PPFIA1: variants seen among roughly 807,000 people sequenced by gnomAD.
The protein encoded by PPFIA1 is liprin-alpha-1.
A neutral mutation model predicts 149.9 loss-of-function variants in PPFIA1; 25 were observed. That is an observed-to-expected ratio of 0.17 (90% confidence interval 0.12 to 0.23). The LOEUF is 0.23. Ranked by LOEUF, PPFIA1 falls within the 10% of genes least tolerant of loss-of-function variation. PPFIA1 has a pLI of 1.00. For synonymous variants in PPFIA1, 549 were observed against 552.8 expected, an observed-to-expected ratio of 0.99 and a Z score of 0.10; for missense variants, 1,362 against 1,506.5, an observed-to-expected ratio of 0.90 and a Z score of 1.59.
At chr11:70,307,803 G>T (rs1225650499) in intron 2 of PPFIA1, among the ~76,000 whole-genome samples, 1 of 152,120 alleles carries the variant, frequency 6.6e-6, no homozygotes, top group African/African-American at 2.4e-5. Context: ...GTGTGCACCT[G>T]TGGTCCCAGC....
At chr11:70,376,653 A>C in intron 25 of PPFIA1, 53 bp downstream of exon 25, 2 of 1,390,778 alleles carry the variant, frequency 1.4e-6, no homozygotes, top group Non-Finnish European at 2.0e-6. Context: ...GTAAATGTTT[A>C]AATGTGTGTG....
intron 2 of PPFIA1, among the ~76,000 whole-genome samples, chr11:70,304,642 G>A (rs2052722416): frequency 6.6e-6 from 1 of 152,194 alleles, no homozygotes. Flanking sequence ...CACCTGCAAA[G>A]GACTGGGGGA....
rs1055714908 is a variant in PPFIA1, at chr11:70,384,287, A to G, written c.*1297A>G. ...CTGTTTTTCTATTAATCTTTTGTCA[A>G]CTTCCTGATTATGTAACAAAGTATG... On this transcript the variant is annotated 3_prime_UTR_variant, in exon 28 of 28. Coordinates refer to ENST00000253925, the MANE Select transcript of PPFIA1 (RefSeq NM_003626.5). 6.6e-6 allele frequency: 1 copy of G among 152,576 alleles called. No homozygotes were observed. Among genetic ancestry groups the G allele is most frequent in the Non-Finnish European group, 1.5e-5 (1 of 68,030 alleles). 9.5% of individuals were successfully genotyped at this position (152,576 alleles called of 1,614,324 possible).
chr11:70,355,888 C>T, intron 18 of PPFIA1, 77 bp downstream of exon 18: 19 of 1,519,730 alleles, frequency 1.3e-5, no homozygotes, highest in Non-Finnish European at 1.6e-5. Flanking sequence ...CATCAGTTCC[C>T]ACGCGGTGCT....
intron 2 of PPFIA1, among the ~76,000 whole-genome samples, chr11:70,303,331 C>A (rs1264967978): frequency 6.6e-6 from 1 of 152,166 alleles, no homozygotes; most frequent in Non-Finnish European, 1.5e-5. Context: ...CTTACTCACA[C>A]ACATCTGGGA....
At chr11:70,346,860 G>T (rs1230935949) in intron 15 of PPFIA1, among the ~76,000 whole-genome samples, 1 of 152,034 alleles carries the variant, frequency 6.6e-6, no homozygotes, top group Non-Finnish European at 1.5e-5. Context: ...TTATTGCAAG[G>T]TTTCTATATT....
intron 21 of PPFIA1, among the ~76,000 whole-genome samples, chr11:70,370,369 G>A (rs758117576): frequency 7.9e-5 from 12 of 151,234 alleles, no homozygotes; most frequent in Non-Finnish European, 1.5e-4. Flanking sequence ...GATTTCATTC[G>A]TTCTTCTAGT....
chr11:70,370,529 G>A (rs992698402), intron 21 of PPFIA1, among the ~76,000 whole-genome samples: 1 of 151,954 alleles, frequency 6.6e-6, no homozygotes, highest in Non-Finnish European at 1.5e-5. Context: ...TGGAACTGCA[G>A]GCATGTACCA....
chr11:70,330,369 G>A lies in PPFIA1; in HGVS notation c.1077+50G>A, dbSNP rs747101817. On this transcript the variant is annotated intron_variant, in intron 8 of 27. Coordinates refer to ENST00000253925, the MANE Select transcript of PPFIA1 (RefSeq NM_003626.5). The stretch of plus-strand genomic sequence containing the variant: ...CTGGCTTTAGTTAATTATTAATGAA[G>A]TTAAAGACCCTTTTTCTCTCACTTT... The A allele has an allele frequency of 6.2e-6, 9 of 1,454,214 alleles. No homozygotes were observed. The Admixed American group carries it at 7.5e-5, about 12-fold the overall frequency. The allele number at this position is 1,454,214 out of a possible 1,614,324, so 90.1% of individuals were successfully genotyped here. A position where few individuals can be genotyped will look rare whatever the true frequency, so the allele number is the denominator to read the frequency against.
At chr11:70,280,088 A>G (rs183436155) in intron 2 of PPFIA1, among the ~76,000 whole-genome samples, 1 of 151,822 alleles carries the variant, frequency 6.6e-6, no homozygotes, top group Admixed American at 6.6e-5. Flanking sequence ...CTGTATTTTC[A>G]GTGGAGGTGG....
At chr11:70,324,115 T>A (rs927465684) in intron 2 of PPFIA1, among the ~76,000 whole-genome samples, 47 of 152,232 alleles carry the variant, frequency 3.1e-4, no homozygotes, top group Admixed American at 1.3e-3. Context: ...GGAAAATGTT[T>A]TGGACTTCTC....
intron 7 of PPFIA1, chr11:70,327,157 T>A (rs2054348699): frequency 4.2e-6 from 1 of 240,460 alleles, no homozygotes; most frequent in Non-Finnish European, 8.2e-6. Context: ...TCTGTGCAAT[T>A]TCTAGGCTGT....
rs2056235614 is a variant in PPFIA1 at position 70,354,289 on chromosome 11, C to G, written c.2164-12C>G. 6.2e-7 allele frequency: 1 copy of G among 1,607,520 alleles called. No individual in the cohort carries two copies. Among genetic ancestry groups the G allele is most frequent in the Admixed American group, 1.7e-5 (1 of 58,858 alleles). ...TGCTGTTAACTAACTTTGCACTTCT[C>G]TCACCCCTCAGTTGCCACCTTCCAG... On this transcript the variant is annotated splice_polypyrimidine_tract_variant and intron_variant, in intron 16 of 27. Transcript: ENST00000253925.
At chr11:70,338,247 A>G (rs1300865946) in intron 12 of PPFIA1, 127 bp from the exon 13 acceptor site, 2 of 721,554 alleles carry the variant, frequency 2.8e-6, no homozygotes, top group Non-Finnish European at 4.7e-6. Flanking sequence ...CAGAATTAAA[A>G]TGTTTGGTAT....
At chr11:70,278,193 G>A (rs1359097912) in intron 2 of PPFIA1, among the ~76,000 whole-genome samples, 2 of 151,250 alleles carry the variant, frequency 1.3e-5, no homozygotes, top group African/African-American at 4.9e-5. Context: ...ACAGGCGTGA[G>A]CCACCATGCC....
chr11:70,303,024 AC>A (rs2052591182), intron 2 of PPFIA1, among the ~76,000 whole-genome samples: 1 of 152,146 alleles, frequency 6.6e-6, no homozygotes, highest in Admixed American at 6.6e-5. Flanking sequence ...CATCTCTAAG[AC>A]CATGTCACAG....
At chr11:70,337,201 C>T (rs371360304) in intron 11 of PPFIA1, among the ~76,000 whole-genome samples, 164 bp from the exon 12 acceptor site, 9 of 151,964 alleles carry the variant, frequency 5.9e-5, no homozygotes, top group African/African-American at 2.2e-4. Context: ...GAGAAGGTGT[C>T]GCCGCCTCAC....
chr11:70,311,420 G>T (rs760751595), intron 2 of PPFIA1, among the ~76,000 whole-genome samples: 1 of 152,204 alleles, frequency 6.6e-6, no homozygotes, highest in Non-Finnish European at 1.5e-5. Context: ...TCATGCGTCG[G>T]AATGCACACA....
In PPFIA1 at chr11:70,362,279, C is replaced by T. The variant is rs12280980; in HGVS notation, c.2665-9C>T. The T allele has an allele frequency of 5.0e-5, 80 of 1,613,818 alleles. No homozygotes were observed. The highest frequency in any genetic ancestry group is 3.3e-4 in the Middle Eastern group (2 of 6,084). ...ACTGTGCTGCCTTCCTTCCGCTTTCCGCCTCCAGCTCTGGGTTGGGATGCC... is the reference window on the plus strand; with the variant it reads ...ACTGTGCTGCCTTCCTTCCGCTTTCTGCCTCCAGCTCTGGGTTGGGATGCC... On this transcript the variant is annotated splice_polypyrimidine_tract_variant and intron_variant, in intron 20 of 27. Transcript: ENST00000253925.
Sources: allele counts gnomAD v4.1 joint callset (sites outside exome capture counted in the v4.1 genomes callset), GRCh38; gene constraint gnomAD v4.1.1; transcripts MANE v1.5; gene names NCBI Gene and HGNC (gene_info 2026-07-23, HGNC 2026-07-21).